The following GRM8 variants were observed in gnomAD, a reference collection of about 807,000 sequenced individuals.
GRM8 encodes glutamate metabotropic receptor 8.
In GRM8, 47 loss-of-function variants were observed where a neutral mutation model predicts 87.2. The ratio of observed to expected loss-of-function variants is 0.54; its 90% CI spans 0.43 to 0.69. GRM8 has a LOEUF of 0.69. Ranked by LOEUF, GRM8 falls within the 30% of genes least tolerant of loss-of-function variation. GRM8 has a pLI of 0.00. For missense variants in GRM8, 1,019 were observed against 1,139.2 expected (o/e 0.89, Z 1.52); for synonymous variants, 396 against 404.5 (o/e 0.98, Z 0.25).
At chr7:126,812,348 G>T (rs77433464) in intron 6 of GRM8, among the ~76,000 whole-genome samples, 6,347 of 151,922 alleles carry the variant, frequency 0.042, 221 homozygotes, top group Non-Finnish European at 0.058. Flanking sequence ...AAACCTAGGT[G>T]GTATAGCTTA....
At chr7:126,472,295 C>T (rs1026558055) in intron 9 of GRM8, among the ~76,000 whole-genome samples, 1 of 152,100 alleles carries the variant, frequency 6.6e-6, no homozygotes, top group Admixed American at 6.6e-5. Flanking sequence ...CCAGTTTTTG[C>T]CCATTCAGTA....
At chr7:126,687,029 A>G (rs1032849696) in intron 7 of GRM8, among the ~76,000 whole-genome samples, 1 of 152,238 alleles carries the variant, frequency 6.6e-6, no homozygotes, top group African/African-American at 2.4e-5. Context: ...AAAATACAAT[A>G]CATACACAGA....
chr7:126,546,316 C>T (rs1386478816), intron 8 of GRM8, among the ~76,000 whole-genome samples: 1 of 152,130 alleles, frequency 6.6e-6, no homozygotes, highest in Admixed American at 6.5e-5. Context: ...AGATTCGAGT[C>T]CAGGGTGACT....
intron 7 of GRM8, among the ~76,000 whole-genome samples, chr7:126,661,835 C>A (rs1805209168): frequency 6.6e-6 from 1 of 152,176 alleles, no homozygotes; most frequent in African/African-American, 2.4e-5. Context: ...TAAAAAAGCT[C>A]CCTAACAACT....
At chr7:127,099,391 T>C (rs1443815538) in intron 3 of GRM8, among the ~76,000 whole-genome samples, 1 of 152,084 alleles carries the variant, frequency 6.6e-6, no homozygotes, top group Non-Finnish European at 1.5e-5. Flanking sequence ...ATATTCCAGG[T>C]GTCATCAAAG....
intron 7 of GRM8, among the ~76,000 whole-genome samples, chr7:126,610,584 A>C (rs1179833720): frequency 2.6e-5 from 4 of 152,150 alleles, no homozygotes; most frequent in African/African-American, 9.7e-5. Flanking sequence ...TCAACTGTAC[A>C]TATTCCCATC....
intron 3 of GRM8, among the ~76,000 whole-genome samples, chr7:126,909,138 C>T (rs1419760984): frequency 6.6e-5 from 10 of 152,132 alleles, no homozygotes; most frequent in Non-Finnish European, 1.5e-4. Flanking sequence ...AAATGTCAGA[C>T]AAGGGTGTAA....
In GRM8 at chr7:126,660,169, T is replaced by C. The variant is rs145864788; in HGVS notation, c.1358-50671A>G. Among the ~76,000 whole-genome samples, 883 of 152,318 alleles carry C rather than the reference T, an allele frequency of 5.8e-3. 6 individuals are homozygous for C. Among genetic ancestry groups the C allele is most frequent in the Non-Finnish European group, 0.01 (694 of 68,006 alleles). On this transcript the variant is annotated intron_variant, in intron 7 of 10. Coordinates refer to ENST00000339582, the MANE Select transcript of GRM8 (RefSeq NM_000845.3). ...CATTTAGTTCTTTTAACGAGCATTG[T>C]TTAAAAGCGTGGGGACTGGAAGCCA...
intron 3 of GRM8, among the ~76,000 whole-genome samples, chr7:127,068,986 T>C (rs907340519): frequency 6.6e-6 from 1 of 152,168 alleles, no homozygotes; most frequent in Non-Finnish European, 1.5e-5. Flanking sequence ...ACCAGAATTA[T>C]AGGGCTTCCC....
intron 2 of GRM8, among the ~76,000 whole-genome samples, chr7:127,231,576 C>T (rs1224438465): frequency 6.6e-6 from 1 of 152,072 alleles, no homozygotes; most frequent in East Asian, 1.9e-4. Flanking sequence ...CTTCTGAAGC[C>T]TTTTAGTGCT....
chr7:126,781,335 G>A (rs552679031), intron 6 of GRM8, among the ~76,000 whole-genome samples: 44 of 152,210 alleles, frequency 2.9e-4, no homozygotes, highest in Admixed American at 2.6e-3. Flanking sequence ...CCAACACTGC[G>A]TTATCATTAT....
At chr7:126,631,868 T>C (rs1200641574) in intron 7 of GRM8, among the ~76,000 whole-genome samples, 3 of 152,144 alleles carry the variant, frequency 2.0e-5, no homozygotes, top group African/African-American at 4.8e-5. Flanking sequence ...TTACACCTTA[T>C]ACAAAAATTA....
chr7:126,602,365 G>A lies in GRM8; in HGVS notation c.1494+6997C>T, dbSNP rs1333339808. On this transcript the variant is annotated intron_variant, in intron 8 of 10. Coordinates refer to ENST00000339582, the MANE Select transcript of GRM8 (RefSeq NM_000845.3). Reference sequence around the variant, plus strand: ...GTAGTATAGTTTGAAGTCAGGTAGCGTGATGCCTCCAGCTTTGTTCTTTTG... The same window carrying A: ...GTAGTATAGTTTGAAGTCAGGTAGCATGATGCCTCCAGCTTTGTTCTTTTG... Among the ~76,000 whole-genome samples the A allele has an allele frequency of 2.1e-4, 28 of 131,954 alleles. No individual in the cohort carries two copies. In the East Asian group the frequency reaches 4.4e-3, roughly 21 times the overall value. 86.6% of individuals were successfully genotyped at this position (131,954 alleles called of 152,430 possible).
intron 8 of GRM8, among the ~76,000 whole-genome samples, chr7:126,587,925 AAAAG>A (rs757037024): frequency 3.9e-5 from 6 of 152,116 alleles, no homozygotes; most frequent in Admixed American, 6.5e-5. Flanking sequence ...AAAAAAAAGA[AAAAG>A]AAAGAACAGT....
intron 7 of GRM8, among the ~76,000 whole-genome samples, chr7:126,653,300 C>CAAAAAAAAAA (rs35546815): frequency 1.8e-5 from 2 of 109,016 alleles, no homozygotes; most frequent in African/African-American, 3.5e-5. Context: ...ATCCTGTCTC[C>CAAAAAAAAAA]AAAAAAAAAA....
chr7:126,815,866 A>C (rs1226575109), intron 6 of GRM8, among the ~76,000 whole-genome samples: 1 of 152,132 alleles, frequency 6.6e-6, no homozygotes, highest in Non-Finnish European at 1.5e-5. Context: ...TAACACAACA[A>C]AAAGGTCAAG....
intron 8 of GRM8, among the ~76,000 whole-genome samples, chr7:126,578,927 T>C (rs1291601726): frequency 6.6e-6 from 1 of 152,174 alleles, no homozygotes; most frequent in African/African-American, 2.4e-5. Context: ...AACCTTGTTG[T>C]CATAACCCTA....
intron 8 of GRM8, among the ~76,000 whole-genome samples, chr7:126,568,503 T>C (rs1794431581): frequency 6.6e-6 from 1 of 152,060 alleles, no homozygotes. Context: ...AGCTCCTCCC[T>C]CTCTCTCCCT....
At chr7:126,517,781 G>A (rs761796881) in intron 9 of GRM8, among the ~76,000 whole-genome samples, 4 of 152,060 alleles carry the variant, frequency 2.6e-5, no homozygotes, top group Non-Finnish European at 5.9e-5. Flanking sequence ...AAAAGCACCT[G>A]CTTTTGAAGG....
Sources: gnomAD v4.1 joint callset for allele counts (sites outside exome capture counted in the v4.1 genomes callset) on GRCh38, gnomAD v4.1.1 for gene constraint, MANE v1.5 for transcripts, NCBI Gene and HGNC (gene_info 2026-07-23, HGNC 2026-07-21) for gene names.